The following MAP2 variants were observed in gnomAD, a reference collection of about 807,000 sequenced individuals.
The protein encoded by MAP2 is microtubule-associated protein 2.
A neutral mutation model predicts 137.6 loss-of-function variants in MAP2; 14 were observed. The ratio of observed to expected loss-of-function variants is 0.10; its 90% CI spans 0.07 to 0.16. The LOEUF (loss-of-function observed/expected upper bound fraction) is 0.16. Among genes scored for constraint, MAP2 ranks in the 10% least tolerant of loss-of-function variants. The pLI is 1.00. For synonymous variants in MAP2, 786 were observed against 782.3 expected (o/e 1.00, Z -0.08); for missense variants, 2,088 against 2,191.5 (o/e 0.95, Z 0.94).
intron 3 of MAP2, among the ~76,000 whole-genome samples, chr2:209,594,134 GA>G (rs555177048): frequency 0.87 from 70,450 of 81,396 alleles, 31,006 homozygotes; most frequent in Non-Finnish European, 0.96. Flanking sequence ...GGTAACAGAT[GA>G]AAAAAAAAAA....
chr2:209,545,756 G>A (rs913802550), intron 2 of MAP2, among the ~76,000 whole-genome samples: 3 of 152,136 alleles, frequency 2.0e-5, no homozygotes, highest in African/African-American at 7.2e-5. Context: ...GTACAGTTAT[G>A]CTTTATAAAT....
At chr2:209,456,714 A>C (rs1203402072) in intron 1 of MAP2, among the ~76,000 whole-genome samples, 4 of 152,228 alleles carry the variant, frequency 2.6e-5, no homozygotes, top group Admixed American at 2.0e-4. Flanking sequence ...CATGTTAACA[A>C]GTAGAGGCCA....
intron 1 of MAP2, among the ~76,000 whole-genome samples, chr2:209,437,359 A>G (rs1473459528): frequency 1.3e-5 from 2 of 151,854 alleles, no homozygotes; most frequent in East Asian, 3.9e-4. Context: ...ATTAGAATTT[A>G]GATATGTAAG....
intron 3 of MAP2, among the ~76,000 whole-genome samples, chr2:209,624,798 T>C (rs775946592): frequency 1.3e-5 from 2 of 152,202 alleles, no homozygotes; most frequent in Non-Finnish European, 2.9e-5. Flanking sequence ...TAAAGTGCCA[T>C]TGGAGTGGTT....
chr2:209,520,341 C>G (rs368153855), intron 2 of MAP2, among the ~76,000 whole-genome samples: 1 of 152,016 alleles, frequency 6.6e-6, no homozygotes, highest in African/African-American at 2.4e-5. Context: ...GCATTCTTTT[C>G]CTCACACTTT....
At chr2:209,625,656 T>C (rs961598259) in intron 4 of MAP2, among the ~76,000 whole-genome samples, 12 of 152,126 alleles carry the variant, frequency 7.9e-5, no homozygotes, top group Non-Finnish European at 1.0e-4. Context: ...CAGCTGTTAT[T>C]AGGAGAGTAG....
intron 13 of MAP2, among the ~76,000 whole-genome samples, chr2:209,720,638 CAAA>C (rs3036697): frequency 3.3e-4 from 24 of 72,752 alleles, no homozygotes; most frequent in East Asian, 2.5e-3. Context: ...TACTTGGTCT[CAAA>C]AAAAAAAAAA....
chr2:209,507,789 C>T (rs1174862424), intron 2 of MAP2, 148 bp downstream of exon 2: 6 of 151,966 alleles, frequency 3.9e-5, no homozygotes, highest in Admixed American at 3.3e-4. Context: ...CGGAGTTGGC[C>T]TACTAGCAAA....
At chr2:209,583,923 C>A (rs111899399) in intron 3 of MAP2, among the ~76,000 whole-genome samples, 1 of 151,748 alleles carries the variant, frequency 6.6e-6, no homozygotes, top group Admixed American at 6.6e-5. Flanking sequence ...CTCCTCCTTC[C>A]TTCCCTCTGC....
At chr2:209,531,014 A>C (rs1185740477) in intron 2 of MAP2, among the ~76,000 whole-genome samples, 1 of 152,222 alleles carries the variant, frequency 6.6e-6, no homozygotes, top group Non-Finnish European at 1.5e-5. Context: ...ACAAATACAA[A>C]GTCCACTATT....
At chr2:209,595,870 C>T (rs927510554) in intron 3 of MAP2, among the ~76,000 whole-genome samples, 1 of 152,152 alleles carries the variant, frequency 6.6e-6, no homozygotes, top group Non-Finnish European at 1.5e-5. Flanking sequence ...AAACCAAACA[C>T]TGCATGTTCT....
rs114984178 is a variant in MAP2, at chr2:209,686,656, G to A, written c.454+5829G>A. 8.0e-3 allele frequency among the ~76,000 whole-genome samples: 1,219 copies of A among 152,256 alleles called. 18 individuals are homozygous for A. Among genetic ancestry groups the A allele is most frequent in the African/African-American group, 0.027 (1,137 of 41,540 alleles). On this transcript the variant is annotated intron_variant, in intron 7 of 15. Coordinates refer to ENST00000682079, the MANE Select transcript of MAP2 (RefSeq NM_001375505.1). ...GCCAAGTGCTCACTGAGTTATACGA[G>A]AATCCAAATGCTAAGCAGACTGATC...
At chr2:209,552,946 A>G (rs1300470549) in intron 2 of MAP2, among the ~76,000 whole-genome samples, 1 of 152,176 alleles carries the variant, frequency 6.6e-6, no homozygotes, top group Non-Finnish European at 1.5e-5. Context: ...TTAAGACTAT[A>G]ACAAACACTG....
At chr2:209,662,766 T>G (rs2044258662) in intron 5 of MAP2, among the ~76,000 whole-genome samples, 1 of 152,082 alleles carries the variant, frequency 6.6e-6, no homozygotes, top group Admixed American at 6.6e-5. Context: ...TGTCTAAGCC[T>G]TTGTTTTGGT....
At chr2:209,641,060 C>G (rs1233464499) in intron 4 of MAP2, among the ~76,000 whole-genome samples, 1 of 151,958 alleles carries the variant, frequency 6.6e-6, no homozygotes, top group Non-Finnish European at 1.5e-5. Flanking sequence ...TCCTCAAGTA[C>G]TGATTGTTAT....
intron 3 of MAP2, among the ~76,000 whole-genome samples, chr2:209,611,469 A>AT (rs1559406502): frequency 6.6e-6 from 1 of 151,752 alleles, no homozygotes; most frequent in Non-Finnish European, 1.5e-5. Context: ...ACACTGAAAA[A>AT]ATATATATAT....
At chr2:209,495,301 G>A (rs539015809) in intron 1 of MAP2, among the ~76,000 whole-genome samples, 1 of 152,378 alleles carries the variant, frequency 6.6e-6, no homozygotes, top group Admixed American at 6.5e-5. Context: ...TCTGAAGAGA[G>A]CGGCAGATCT....
chr2:209,428,694 T>G (rs1391238972), intron 1 of MAP2, among the ~76,000 whole-genome samples: 1 of 151,922 alleles, frequency 6.6e-6, no homozygotes, highest in East Asian at 1.9e-4. Context: ...TCTTGGTCCT[T>G]TCTTTGAACT....
intron 1 of MAP2, among the ~76,000 whole-genome samples, chr2:209,502,526 G>A (rs2060507288): frequency 6.6e-6 from 1 of 152,084 alleles, no homozygotes; most frequent in East Asian, 1.9e-4. Context: ...TTTGACTGTT[G>A]TAAATAATGC....
Sources: allele counts gnomAD v4.1 joint callset (sites outside exome capture counted in the v4.1 genomes callset), GRCh38; gene constraint gnomAD v4.1.1; transcripts MANE v1.5; gene names NCBI Gene and HGNC (gene_info 2026-07-23, HGNC 2026-07-21).